INTS1: variants seen among roughly 807,000 people sequenced by gnomAD.
The protein encoded by INTS1 is integrator complex subunit 1.
Under a neutral mutation model 241.6 loss-of-function variants are expected in INTS1, and 137 were observed. That is an observed-to-expected ratio of 0.57 (90% CI 0.49 to 0.65). INTS1 has a LOEUF of 0.65. INTS1 is among the 30% of genes least tolerant of loss of function. The pLI, the probability that INTS1 is intolerant of heterozygous loss-of-function variation, is 0.00. For synonymous variants in INTS1, 1,692 were observed against 1,337.8 expected (o/e 1.26, Z -5.78); for missense variants, 3,073 against 3,032.2 (o/e 1.01, Z -0.32).
In INTS1 at chr7:1,493,795, G is replaced by A. The variant is rs867198103; in HGVS notation, c.2027C>T (p.Ala676Val). The A allele has an allele frequency of 1.3e-6, 2 of 1,579,030 alleles. No individual in the cohort carries two copies. Among genetic ancestry groups the A allele is most frequent in the Non-Finnish European group, 1.7e-6 (2 of 1,163,924 alleles). The change falls in exon 15 of 48, where the codon GCT (alanine) becomes GTT (valine). Residue 676 changes from alanine (A) to valine (V), a missense_variant. By Grantham distance (64) the Ala-to-Val change is moderately conservative. Coordinates refer to ENST00000404767, the MANE Select transcript of INTS1 (RefSeq NM_001080453.3). The surrounding 1 kb of genome is among the most constrained non-coding windows in gnomAD (Gnocchi z 5.3). ...PLGPADAMEL[A>V]DHLVKRAAAV... The stretch of plus-strand genomic sequence containing the variant: ...AGCCGCCCGCTTCACCAGGTGGTCA[G>A]CAAGCTCCATGGCGTCCGCAGGCCC...
chr7:1,503,603 C>T (rs905188802), intron 2 of INTS1, among the ~76,000 whole-genome samples: 1 of 152,254 alleles, frequency 6.6e-6, no homozygotes, highest in Non-Finnish European at 1.5e-5. Context: ...CCGTGCTACG[C>T]TACACTGTGC....
Position 1,503,951 on chromosome 7 carries a change from C to T in INTS1, c.10G>A (p.Ala4Thr), listed in dbSNP as rs534482682. 13 of 1,564,706 alleles carry T rather than the reference C, an allele frequency of 8.3e-6. No homozygotes were observed. The African/African-American group carries it at 1.5e-4, about 18-fold the overall frequency. The stretch of plus-strand genomic sequence containing the variant: ...GGCCGGCGCACCGTGGTGGGCTTGG[C>T]CCGGTTCATCCTGCCCCGTCCCTCG... MNR[A>T]KPTTVRRPSA... Residue 4 changes from alanine to threonine, a missense_variant, in exon 2 of 48, where the codon GCC (alanine) becomes ACC (threonine). By Grantham distance (58) the Ala-to-Thr change is moderately conservative. Transcript: ENST00000404767.
intron 10 of INTS1, among the ~76,000 whole-genome samples, chr7:1,498,148 G>A (rs1782954683): frequency 6.6e-6 from 1 of 152,248 alleles, no homozygotes; most frequent in Non-Finnish European, 1.5e-5. Context: ...AGAAACCTGG[G>A]TGGCTTTTAA....
chr7:1,482,314 C>T (rs1782034687), intron 27 of INTS1: 2 of 422,742 alleles, frequency 4.7e-6, no homozygotes, highest in African/African-American at 2.0e-5. Flanking sequence ...GACCCCTGAG[C>T]CTGACAGTAA....
chr7:1,481,228 ACACCCACCCGACCTCGGAT>A lies in INTS1; in HGVS notation c.3850+95_3850+113del. The stretch of plus-strand genomic sequence containing the variant: ...CTAAGCCTGCCCTCGAGTGCCACCC[ACACCCACCCGACCTCGGAT>A]CACCCACCCGCTCGCACCCAGGCCC... On this transcript the variant is annotated intron_variant, in intron 28 of 47. Transcript: ENST00000404767. The surrounding 1 kb of genome is among the most constrained non-coding windows in gnomAD (Gnocchi z 6.8). The A allele has an allele frequency of 8.1e-7, 1 of 1,235,378 alleles. No individual in the cohort carries two copies. Among genetic ancestry groups the A allele is most frequent in the Non-Finnish European group, 1.2e-6 (1 of 865,428 alleles). 76.5% of individuals were successfully genotyped at this position (1,235,378 alleles called of 1,614,324 possible).
intron 24 of INTS1, among the ~76,000 whole-genome samples, 182 bp downstream of exon 24, chr7:1,484,916 C>T (rs1782177754): frequency 6.6e-6 from 1 of 152,102 alleles, no homozygotes; most frequent in Non-Finnish European, 1.5e-5. Context: ...GGCCCCTTAC[C>T]CTCCCCAGGG....
In INTS1 at chr7:1,470,308, C is replaced by T; in HGVS notation, c.*269G>A. ...TCAGGTCGTTTCATTCAAAACCAGCCCAGGCCATGCCCGGGGGGATCCGCC... is the reference window on the plus strand; with the variant it reads ...TCAGGTCGTTTCATTCAAAACCAGCTCAGGCCATGCCCGGGGGGATCCGCC... On this transcript the variant is annotated 3_prime_UTR_variant, in exon 48 of 48. Coordinates refer to ENST00000404767, the MANE Select transcript of INTS1 (RefSeq NM_001080453.3). 1 of 451,196 alleles carries T rather than the reference C, an allele frequency of 2.2e-6. No homozygotes were observed. 27.9% of individuals were successfully genotyped at this position (451,196 alleles called of 1,614,324 possible).
At chr7:1,473,792 C>A in intron 41 of INTS1, 99 bp from the exon 42 acceptor site, 1 of 1,463,042 alleles carries the variant, frequency 6.8e-7, no homozygotes, top group Non-Finnish European at 9.3e-7. Flanking sequence ...GCATGGACCC[C>A]ACAGCCAACG....
At chr7:1,489,014 C>T (rs1042111435) in intron 18 of INTS1, among the ~76,000 whole-genome samples, 5 of 152,298 alleles carry the variant, frequency 3.3e-5, no homozygotes, top group Admixed American at 1.3e-4. Flanking sequence ...TCTCTTGCCA[C>T]GTCCTCCAGC....
intron 41 of INTS1, 104 bp downstream of exon 41, chr7:1,474,063 TG>T: frequency 7.6e-7 from 1 of 1,319,764 alleles, no homozygotes; most frequent in Non-Finnish European, 1.0e-6. Flanking sequence ...GCCTGGGCCC[TG>T]GCTGCAGAGG....
chr7:1,471,965 T>A (rs1230391607), intron 44 of INTS1, among the ~76,000 whole-genome samples: 1 of 152,138 alleles, frequency 6.6e-6, no homozygotes, highest in Non-Finnish European at 1.5e-5. Flanking sequence ...CGGCCACCGG[T>A]ACTGCCCACC....
In INTS1 at chr7:1,477,516, G is replaced by A. The variant is rs138421594; in HGVS notation, c.4938+34C>T. The stretch of plus-strand genomic sequence containing the variant: ...GGTCAGGAAGAGCCTTTACCCTGGG[G>A]TGGGTCCCCGTGCTGAAGCTGGGTG... On this transcript the variant is annotated intron_variant, in intron 35 of 47. Coordinates refer to ENST00000404767, the MANE Select transcript of INTS1 (RefSeq NM_001080453.3). 1.5e-4 allele frequency: 228 copies of A among 1,477,522 alleles called. No individual in the cohort carries two copies. The African/African-American group carries it at 3.0e-3, about 19-fold the overall frequency. 91.5% of individuals were successfully genotyped at this position (1,477,522 alleles called of 1,614,324 possible).
Position 1,500,292 on chromosome 7 carries a change from G to A in INTS1, c.424C>T (p.Leu142=), listed in dbSNP as rs754664958. Residue 142 remains leucine, a synonymous_variant, in exon 4 of 48, where the codon CTG becomes TTG. Coordinates refer to ENST00000404767, the MANE Select transcript of INTS1 (RefSeq NM_001080453.3). ...EGNDDRIEGV[L]CGAVKQLKVT... ...TTCAGCTGCTTCACGGCCCCGCACA[G>A]CACGCCCTCGATCCTGTCATCGTTG... 3 of 1,594,552 alleles carry A rather than the reference G, an allele frequency of 1.9e-6. No individual in the cohort carries two copies. Among genetic ancestry groups the A allele is most frequent in the South Asian group, 1.1e-5 (1 of 88,398 alleles).
chr7:1,470,410 A>G lies in INTS1; in HGVS notation c.*167T>C, dbSNP rs1781399133. 1 of 538,460 alleles carries G rather than the reference A, an allele frequency of 1.9e-6. No homozygotes were observed. The highest frequency in any genetic ancestry group is 3.2e-6 in the Non-Finnish European group (1 of 311,448). The allele number at this position is 538,460 out of a possible 1,614,324, so 33.4% of individuals were successfully genotyped here. A position where few individuals can be genotyped will look rare whatever the true frequency, so the allele number is the denominator to read the frequency against. On this transcript the variant is annotated 3_prime_UTR_variant, in exon 48 of 48. Transcript: ENST00000404767. ...CCCCTGATGCCAGCGGCCGGCCCGG[A>G]GCCACCCCAGGGCTCGGAGTATTGC...
At chr7:1,475,501 GAA>G (rs1258770706) in intron 39 of INTS1, among the ~76,000 whole-genome samples, 1 of 152,146 alleles carries the variant, frequency 6.6e-6, no homozygotes, top group Non-Finnish European at 1.5e-5. Context: ...GGTACCAGCA[GAA>G]GACAGGCTGC....
chr7:1,474,422 A>C (rs1206453222), intron 40 of INTS1, 62 bp from the exon 41 acceptor site: 1 of 1,487,986 alleles, frequency 6.7e-7, no homozygotes, highest in Non-Finnish European at 9.0e-7. Flanking sequence ...GCACGTCCCC[A>C]GGAAGGCCCC....
At chr7:1,477,497 G>A in intron 35 of INTS1, 53 bp downstream of exon 35, 3 of 1,458,728 alleles carry the variant, frequency 2.1e-6, no homozygotes, top group Non-Finnish European at 1.8e-6. Context: ...TTCAGGTCAG[G>A]AAGAGCCTTT....
chr7:1,483,129 T>C lies in INTS1; in HGVS notation c.3542-422A>G, dbSNP rs191028314. The C allele has an allele frequency of 1.8e-3, 381 of 213,244 alleles. 2 individuals carry two copies. The highest frequency in any genetic ancestry group is 8.4e-3 in the African/African-American group (364 of 43,494). The allele number at this position is 213,244 out of a possible 1,614,324, so 13.2% of individuals were successfully genotyped here. On this transcript the variant is annotated intron_variant, in intron 26 of 47. Transcript: ENST00000404767. ...GGCGACGCCTGTGACTGTGTCTGCC[T>C]CCCAACAGGGGTCACCACCCACCCA...
rs924971117 is a variant in INTS1 at position 1,482,538 on chromosome 7, G to A, written c.3703+8C>T. On this transcript the variant is annotated splice_region_variant and intron_variant, in intron 27 of 47. Transcript: ENST00000404767. ...GCAGCCCCTGCCCAAGCCCAGCCTG[G>A]ACCGTACCGGCGTCCACCAGGCGGA... is the stretch of plus-strand genomic sequence containing the variant. 5.0e-6 allele frequency: 8 copies of A among 1,602,630 alleles called. No individual in the cohort carries two copies. The African/African-American group carries it at 8.0e-5, about 16-fold the overall frequency.
Sources: gnomAD v4.1 joint callset for allele counts (sites outside exome capture counted in the v4.1 genomes callset) on GRCh38, gnomAD v4.1.1 for gene constraint, Gnocchi (gnomAD v3.1) non-coding constraint, MANE v1.5 for transcripts, NCBI Gene and HGNC (gene_info 2026-07-23, HGNC 2026-07-21) for gene names.